The following ROR2 variants were observed in gnomAD, a reference collection of about 807,000 sequenced individuals.
ROR2 encodes the protein tyrosine-protein kinase transmembrane receptor ROR2.
A neutral mutation model predicts 74.9 loss-of-function variants in ROR2; 33 were observed. The ratio of observed to expected loss-of-function variants is 0.44; its 90% CI spans 0.33 to 0.59. ROR2 has a LOEUF of 0.59. ROR2 is among the 20% of genes least tolerant of loss of function. The pLI, the probability that ROR2 is intolerant of heterozygous loss-of-function variation, is 0.02. For synonymous variants in ROR2, 586 were observed against 558.7 expected (o/e 1.05, Z -0.69); for missense variants, 1,216 against 1,313.8 (o/e 0.93, Z 1.15).
chr9:91,750,069 T>C (rs1825552517), intron 4 of ROR2, among the ~76,000 whole-genome samples: 1 of 152,140 alleles, frequency 6.6e-6, no homozygotes, highest in African/African-American at 2.4e-5. Context: ...GCCCAGCTAA[T>C]TTTTATATTT....
At chr9:91,880,597 C>T (rs1830081774) in intron 1 of ROR2, among the ~76,000 whole-genome samples, 1 of 152,234 alleles carries the variant, frequency 6.6e-6, no homozygotes, top group Non-Finnish European at 1.5e-5. Context: ...CTAACAGATG[C>T]CACCTCAGCC....
chr9:91,896,390 G>T (rs1027714633), intron 1 of ROR2, among the ~76,000 whole-genome samples: 1 of 152,146 alleles, frequency 6.6e-6, no homozygotes, highest in African/African-American at 2.4e-5. Flanking sequence ...AAAAACAACA[G>T]AATTAATTCT....
At chr9:91,758,744 G>C (rs1464498895) in intron 2 of ROR2, among the ~76,000 whole-genome samples, 2 of 152,226 alleles carry the variant, frequency 1.3e-5, no homozygotes, top group Non-Finnish European at 1.5e-5. Context: ...CAGGGAACAA[G>C]GGGAAGTGAA....
chr9:91,823,747 G>T (rs1325857271), intron 1 of ROR2, among the ~76,000 whole-genome samples: 1 of 152,190 alleles, frequency 6.6e-6, no homozygotes, highest in Non-Finnish European at 1.5e-5. Flanking sequence ...CTCTCATAAT[G>T]AAAAGACGGG....
chr9:91,877,846 G>C (rs1829999144), intron 1 of ROR2, among the ~76,000 whole-genome samples: 1 of 152,190 alleles, frequency 6.6e-6, no homozygotes, highest in South Asian at 2.1e-4. Context: ...AGAGTGTCAG[G>C]CTTATAATTA....
intron 2 of ROR2, among the ~76,000 whole-genome samples, chr9:91,771,827 G>A (rs899863264): frequency 2.6e-5 from 4 of 152,002 alleles, no homozygotes; most frequent in Non-Finnish European, 5.9e-5. Flanking sequence ...TCTTAGATTC[G>A]CTTTTGCTTG....
chr9:91,729,804 T>G (rs1837170803), intron 7 of ROR2, among the ~76,000 whole-genome samples: 1 of 152,116 alleles, frequency 6.6e-6, no homozygotes, highest in Non-Finnish European at 1.5e-5. Flanking sequence ...ACAGACACAC[T>G]TGCAAGGAAT....
At chr9:91,810,014 G>A (rs1485388076) in intron 1 of ROR2, among the ~76,000 whole-genome samples, 1 of 152,240 alleles carries the variant, frequency 6.6e-6, no homozygotes, top group Non-Finnish European at 1.5e-5. Flanking sequence ...CACACAGGCT[G>A]CTCAGCGACT....
rs79328945 is a variant in ROR2, at chr9:91,835,955, T to C, written c.98-60137A>G. 4.8e-4 allele frequency among the ~76,000 whole-genome samples: 73 copies of C among 152,362 alleles called. No individual in the cohort carries two copies. In the East Asian group the frequency reaches 0.013, roughly 28 times the overall value. On this transcript the variant is annotated intron_variant, in intron 1 of 8. Coordinates refer to ENST00000375708, the MANE Select transcript of ROR2 (RefSeq NM_004560.4). ...CTTTTGTGATCGTCACTTCCCTACCTTTCTGTATAGCTTGAAAACAGCTTT... is the reference window on the plus strand; with the variant it reads ...CTTTTGTGATCGTCACTTCCCTACCCTTCTGTATAGCTTGAAAACAGCTTT...
chr9:91,831,462 C>T (rs910223960), intron 1 of ROR2, among the ~76,000 whole-genome samples: 2 of 152,024 alleles, frequency 1.3e-5, no homozygotes, highest in Non-Finnish European at 2.9e-5. Context: ...GGGGGGACAA[C>T]ATCCATTCCC....
At chr9:91,746,993 C>A (rs1359873598) in intron 4 of ROR2, among the ~76,000 whole-genome samples, 1 of 152,100 alleles carries the variant, frequency 6.6e-6, no homozygotes, top group African/African-American at 2.4e-5. Flanking sequence ...AGGCAGCACG[C>A]CCCACCCCAC....
chr9:91,806,373 G>A (rs1172556566), intron 1 of ROR2, among the ~76,000 whole-genome samples: 1 of 152,064 alleles, frequency 6.6e-6, no homozygotes, highest in Non-Finnish European at 1.5e-5. Context: ...CTTTGTTAAG[G>A]GTGCTAATCT....
chr9:91,774,196 C>G (rs1472721869), intron 2 of ROR2, among the ~76,000 whole-genome samples: 1 of 152,222 alleles, frequency 6.6e-6, no homozygotes, highest in Admixed American at 6.5e-5. Flanking sequence ...CATGCGTTTA[C>G]TACATTTAAC....
chr9:91,877,384 A>G (rs956506924), intron 1 of ROR2, among the ~76,000 whole-genome samples: 4 of 152,196 alleles, frequency 2.6e-5, no homozygotes, highest in Non-Finnish European at 5.9e-5. Flanking sequence ...ATGGCTATCC[A>G]TAAGTCATGT....
intron 1 of ROR2, among the ~76,000 whole-genome samples, chr9:91,781,045 G>A (rs978701896): frequency 1.1e-4 from 16 of 152,090 alleles, no homozygotes; most frequent in African/African-American, 1.4e-4. Flanking sequence ...GATCTGAATC[G>A]GTATGCTTAC....
chr9:91,907,565 A>C (rs745686146), intron 1 of ROR2, among the ~76,000 whole-genome samples: 1 of 152,144 alleles, frequency 6.6e-6, no homozygotes, highest in African/African-American at 2.4e-5. Flanking sequence ...AAATTGAGTC[A>C]ATTAAGTCAT....
At chr9:91,920,273 G>T (rs539309845) in intron 1 of ROR2, among the ~76,000 whole-genome samples, 7 of 152,324 alleles carry the variant, frequency 4.6e-5, no homozygotes, top group Admixed American at 3.9e-4. Flanking sequence ...TTGAGAGGTC[G>T]AAGTGGGAGG....
chr9:91,725,905 G>A (rs985259882), intron 8 of ROR2, among the ~76,000 whole-genome samples: 1 of 152,200 alleles, frequency 6.6e-6, no homozygotes, highest in African/African-American at 2.4e-5. Flanking sequence ...AAGTGCATCA[G>A]CTCCCTCCTG....
At chr9:91,812,394 G>C (rs76306939) in intron 1 of ROR2, among the ~76,000 whole-genome samples, 4 of 152,060 alleles carry the variant, frequency 2.6e-5, no homozygotes, top group Admixed American at 1.3e-4. Context: ...GCTCCTGCGC[G>C]GGGGCCGGGC....
Sources: allele counts gnomAD v4.1 joint callset (sites outside exome capture counted in the v4.1 genomes callset), GRCh38; gene constraint gnomAD v4.1.1; transcripts MANE v1.5; gene names NCBI Gene and HGNC (gene_info 2026-07-23, HGNC 2026-07-21).